Variants in CTNND2 observed in about 807,000 individuals in gnomAD.
CTNND2 encodes the protein catenin delta-2.
A neutral mutation model predicts 144.4 loss-of-function variants in CTNND2; 22 were observed. That is an observed-to-expected ratio of 0.15 (90% CI 0.11 to 0.22). CTNND2 has a LOEUF of 0.22. CTNND2 is among the 10% of genes least tolerant of loss of function. The probability of loss-of-function intolerance (pLI) is 1.00; values close to 1 mark genes in which losing one functional copy is unlikely to be tolerated. For missense variants in CTNND2, 1,353 were observed against 1,618.8 expected (o/e 0.84, Z 2.82); for synonymous variants, 751 against 695.6 (o/e 1.08, Z -1.25).
At chr5:11,642,174 T>C (rs1782101261) in intron 2 of CTNND2, among the ~76,000 whole-genome samples, 1 of 152,152 alleles carries the variant, frequency 6.6e-6, no homozygotes, top group African/African-American at 2.4e-5. Flanking sequence ...ATTCTATCAA[T>C]ATATATTGAC....
intron 2 of CTNND2, among the ~76,000 whole-genome samples, chr5:11,695,469 C>T (rs1785100314): frequency 6.6e-6 from 1 of 152,100 alleles, no homozygotes; most frequent in Non-Finnish European, 1.5e-5. Flanking sequence ...GAAGTATAAA[C>T]GGAGTGCCCT....
chr5:11,330,483 CA>C (rs10627159), intron 9 of CTNND2, among the ~76,000 whole-genome samples: 81 of 43,444 alleles, frequency 1.9e-3, no homozygotes, highest in African/African-American at 5.8e-3. Flanking sequence ...GACTCCGTCT[CA>C]AAAAAAAAAA....
chr5:11,601,220 C>A (rs1003698625), intron 2 of CTNND2, among the ~76,000 whole-genome samples: 4 of 152,220 alleles, frequency 2.6e-5, no homozygotes, highest in African/African-American at 9.6e-5. Context: ...TATTTGAGAA[C>A]AACAGGAAAG....
chr5:11,126,155 G>T (rs1190031816), intron 12 of CTNND2, among the ~76,000 whole-genome samples: 1 of 152,144 alleles, frequency 6.6e-6, no homozygotes, highest in Non-Finnish European at 1.5e-5. Context: ...TACAAAATTA[G>T]CTGGGCGTGG....
chr5:11,849,232 C>T (rs1794899275), intron 1 of CTNND2, among the ~76,000 whole-genome samples: 1 of 152,076 alleles, frequency 6.6e-6, no homozygotes, highest in Admixed American at 6.6e-5. Context: ...ACCATCAGAT[C>T]TCATGAGACT....
At chr5:11,437,663 T>G (rs928256164) in intron 3 of CTNND2, among the ~76,000 whole-genome samples, 2 of 152,144 alleles carry the variant, frequency 1.3e-5, no homozygotes, top group African/African-American at 2.4e-5. Context: ...AGAGTAAGTT[T>G]GGGACAGAGA....
At chr5:11,519,964 C>T (rs1024410763) in intron 3 of CTNND2, among the ~76,000 whole-genome samples, 1 of 149,754 alleles carries the variant, frequency 6.7e-6, no homozygotes, top group African/African-American at 2.5e-5. Context: ...CATGGTGAAA[C>T]CCCATTTCTA....
At chr5:11,584,751 T>G (rs1002592211) in intron 2 of CTNND2, among the ~76,000 whole-genome samples, 3 of 152,140 alleles carry the variant, frequency 2.0e-5, no homozygotes, top group African/African-American at 7.2e-5. Context: ...TATGGCCAAA[T>G]AATATCACCA....
chr5:11,199,887 T>C (rs964375500), intron 10 of CTNND2, among the ~76,000 whole-genome samples: 7 of 152,330 alleles, frequency 4.6e-5, no homozygotes, highest in South Asian at 4.1e-4. Flanking sequence ...TTTCGAACTA[T>C]AGAATTTTGG....
chr5:11,477,705 G>C (rs1314129982), intron 3 of CTNND2, among the ~76,000 whole-genome samples: 2 of 152,080 alleles, frequency 1.3e-5, no homozygotes, highest in African/African-American at 4.8e-5. Context: ...AACACACTCG[G>C]CCCACCTTGC....
intron 7 of CTNND2, among the ~76,000 whole-genome samples, chr5:11,376,693 T>C (rs1032030615): frequency 6.6e-6 from 1 of 152,156 alleles, no homozygotes; most frequent in Non-Finnish European, 1.5e-5. Flanking sequence ...AACAGAAGTC[T>C]AGAAGTTTCT....
chr5:11,155,089 A>G (rs941623647), intron 12 of CTNND2, among the ~76,000 whole-genome samples: 2 of 152,182 alleles, frequency 1.3e-5, no homozygotes, highest in African/African-American at 2.4e-5. Context: ...TATTCAACAC[A>G]CCGCAGTGAC....
At chr5:11,477,131 G>T (rs1277317942) in intron 3 of CTNND2, among the ~76,000 whole-genome samples, 1 of 152,112 alleles carries the variant, frequency 6.6e-6, no homozygotes, top group East Asian at 1.9e-4. Flanking sequence ...TTGCTTTACG[G>T]GCAGGTCTTT....
At chr5:11,348,373 T>A (rs931483436) in intron 8 of CTNND2, among the ~76,000 whole-genome samples, 1 of 142,562 alleles carries the variant, frequency 7.0e-6, no homozygotes, top group Non-Finnish European at 1.5e-5. Context: ...GATGAACAAA[T>A]GTACAGAGGT....
At chr5:11,071,457 T>C (rs1179711568) in intron 16 of CTNND2, among the ~76,000 whole-genome samples, 1 of 152,094 alleles carries the variant, frequency 6.6e-6, no homozygotes, top group African/African-American at 2.4e-5. Context: ...TGAGAATCGT[T>C]TGAACCTCGG....
At chr5:11,574,041 C>T (rs1777778624) in intron 2 of CTNND2, among the ~76,000 whole-genome samples, 2 of 152,034 alleles carry the variant, frequency 1.3e-5, no homozygotes, top group African/African-American at 4.8e-5. Context: ...TGACTCTAAA[C>T]TCTATCACAA....
At chr5:11,299,595 G>A (rs1262305393) in intron 9 of CTNND2, among the ~76,000 whole-genome samples, 1 of 152,192 alleles carries the variant, frequency 6.6e-6, no homozygotes, top group Non-Finnish European at 1.5e-5. Context: ...CTCTGGAGAA[G>A]CTATGGTCAT....
chr5:11,793,776 A>C (rs1791258725), intron 1 of CTNND2, among the ~76,000 whole-genome samples: 1 of 152,238 alleles, frequency 6.6e-6, no homozygotes, highest in African/African-American at 2.4e-5. Flanking sequence ...TTGATACAGC[A>C]GCCCTAGAAA....
In CTNND2 at chr5:11,711,178, C is replaced by G. The variant is rs139692893; in HGVS notation, c.174+20958G>C. On this transcript the variant is annotated intron_variant, in intron 2 of 21. Coordinates refer to ENST00000304623, the MANE Select transcript of CTNND2 (RefSeq NM_001332.4). ...TCAAGTGATTCTCCTGCTTAAGTCT[C>G]TGGAGTAGCTGGGATTACAGGCATG... 1.5e-3 allele frequency among the ~76,000 whole-genome samples: 221 copies of G among 152,166 alleles called. 1 individual carries two copies. The highest frequency in any genetic ancestry group is 5.1e-3 in the African/African-American group (210 of 41,500).
Sources: gnomAD v4.1 joint callset for allele counts (sites outside exome capture counted in the v4.1 genomes callset) on GRCh38, gnomAD v4.1.1 for gene constraint, MANE v1.5 for transcripts, NCBI Gene and HGNC (gene_info 2026-07-23, HGNC 2026-07-21) for gene names.